Variants in EXOSC5 observed in about 807,000 individuals in gnomAD.
EXOSC5 encodes exosome complex component RRP46.
Under a neutral mutation model 23.7 loss-of-function variants are expected in EXOSC5, and 15 were observed. That is an observed-to-expected ratio of 0.63 (90% confidence interval 0.42 to 0.97). The LOEUF (loss-of-function observed/expected upper bound fraction) is 0.97. EXOSC5 is among the 50% of genes least tolerant of loss of function. The pLI is 0.00. For missense variants in EXOSC5, 305 were observed against 316.3 expected, an observed-to-expected ratio of 0.96 and a Z score of 0.27; for synonymous variants, 143 against 140.9, an observed-to-expected ratio of 1.02 and a Z score of -0.11.
chr19:41,390,197 G>C (rs141858710), intron 3 of EXOSC5, among the ~76,000 whole-genome samples: 2,660 of 152,268 alleles, frequency 0.017, 39 homozygotes, highest in Non-Finnish European at 0.027. Context: ...GCCTCCCAAA[G>C]TGCTGGGATT....
Position 41,387,131 on chromosome 19 carries a change from C to T in EXOSC5, c.615+383G>A, listed in dbSNP as rs116813540. Among the ~76,000 whole-genome samples, 1,189 of 152,232 alleles carry T rather than the reference C, an allele frequency of 7.8e-3. 18 individuals carry two copies. Among genetic ancestry groups the T allele is most frequent in the African/African-American group, 0.027 (1,128 of 41,544 alleles). On this transcript the variant is annotated intron_variant, in intron 5 of 5. Coordinates refer to ENST00000221233, the MANE Select transcript of EXOSC5 (RefSeq NM_020158.4). Reference sequence around the variant, plus strand: ...TCAAGAGACTCCCAGTCTTCACTGCCATGTATTCCTAGATTCATGAGGTCC... The same window carrying T: ...TCAAGAGACTCCCAGTCTTCACTGCTATGTATTCCTAGATTCATGAGGTCC...
chr19:41,395,529 C>T (rs905998525), intron 1 of EXOSC5, among the ~76,000 whole-genome samples: 1 of 152,198 alleles, frequency 6.6e-6, no homozygotes, highest in Non-Finnish European at 1.5e-5. Context: ...CACTCCATTG[C>T]GGCAGCTCAA....
intron 4 of EXOSC5, among the ~76,000 whole-genome samples, chr19:41,388,791 C>T (rs1300861949): frequency 3.3e-5 from 5 of 152,184 alleles, no homozygotes; most frequent in African/African-American, 4.8e-5. Flanking sequence ...AAACTCTCTT[C>T]TCGTTTGCTT....
At position 41,386,681 on chromosome 19, in the gene EXOSC5, G is replaced by GCTT. The variant is rs1422830847; in HGVS notation, c.659_660insAAG (p.Val220_Phe221insSer). On this transcript the variant is annotated inframe_insertion, in exon 6 of 6. Coordinates refer to ENST00000221233, the MANE Select transcript of EXOSC5 (RefSeq NM_020158.4). The stretch of plus-strand genomic sequence containing the variant: ...GCAGCGATTCCCGGTAGAAACGGAA[G>GCTT]ACGTGTTGCGAAGCGGCCTGGGCCG... The GCTT allele has an allele frequency of 7.5e-6, 12 of 1,603,938 alleles. No homozygotes were observed. The highest frequency in any genetic ancestry group is 9.4e-6 in the Non-Finnish European group (11 of 1,175,856).
intron 1 of EXOSC5, among the ~76,000 whole-genome samples, chr19:41,395,231 T>C (rs1367622655): frequency 7.0e-6 from 1 of 143,794 alleles, no homozygotes; most frequent in Non-Finnish European, 1.5e-5. Context: ...CCGTATTTCC[T>C]GGGAAGCCCA....
chr19:41,389,481 T>C (rs1371268853), intron 4 of EXOSC5, among the ~76,000 whole-genome samples: 2 of 152,064 alleles, frequency 1.3e-5, no homozygotes, highest in Non-Finnish European at 2.9e-5. Context: ...GTCAGACTGA[T>C]CTCGAACTCC....
In EXOSC5 at chr19:41,387,583, G is replaced by A; in HGVS notation, c.546C>T (p.Thr182=). The A allele has an allele frequency of 2.5e-6, 4 of 1,604,100 alleles. 1 individual carries two copies. Among genetic ancestry groups the A allele is most frequent in the Non-Finnish European group, 3.4e-6 (4 of 1,175,954 alleles). ...KQEKEARAVL[T]FALDSVERKL... ...TCCGTTCCACGCTGTCCAGGGCAAA[G>A]GTCAGGACTGCCCGGGCCTCCTAGG... Residue 182 remains threonine, a synonymous_variant, in exon 5 of 6, where the codon ACC becomes ACT. Coordinates refer to ENST00000221233, the MANE Select transcript of EXOSC5 (RefSeq NM_020158.4).
rs370558097 is a variant in EXOSC5, at chr19:41,394,910, T to G, written c.149-1930A>C. 2.6e-3 allele frequency among the ~76,000 whole-genome samples: 389 copies of G among 151,986 alleles called. 6 individuals carry two copies. Among genetic ancestry groups the G allele is most frequent in the African/African-American group, 8.9e-3 (368 of 41,466 alleles). Reference sequence around the variant, plus strand: ...TTAGCCGGGCGCGGTGGCACGCACCTGTGGTCCCAGCTACTCAGGAGGCTG... The same window carrying G: ...TTAGCCGGGCGCGGTGGCACGCACCGGTGGTCCCAGCTACTCAGGAGGCTG... On this transcript the variant is annotated intron_variant, in intron 1 of 5. Coordinates refer to ENST00000221233, the MANE Select transcript of EXOSC5 (RefSeq NM_020158.4).
chr19:41,392,070 G>T (rs772036712), intron 2 of EXOSC5, 108 bp from the exon 3 acceptor site: 1 of 1,464,228 alleles, frequency 6.8e-7, no homozygotes, highest in Admixed American at 2.7e-5. Flanking sequence ...AGCCTGGGAT[G>T]GTGCAGTTAC....
intron 5 of EXOSC5, among the ~76,000 whole-genome samples, chr19:41,387,307 C>G (rs1043661543): frequency 2.6e-5 from 4 of 152,138 alleles, no homozygotes; most frequent in Admixed American, 6.6e-5. Flanking sequence ...TGAGCTCATC[C>G]TCTTTTTGCC....
intron 3 of EXOSC5, 37 bp from the exon 4 acceptor site, chr19:41,389,942 T>A (rs1281675801): frequency 6.4e-7 from 1 of 1,562,082 alleles, no homozygotes; most frequent in African/African-American, 1.4e-5. Context: ...TTCTTTTTTT[T>A]TTTTTTGGAG....
At chr19:41,389,604 T>G (rs2039007979) in intron 4 of EXOSC5, among the ~76,000 whole-genome samples, 161 bp downstream of exon 4, 1 of 152,226 alleles carries the variant, frequency 6.6e-6, no homozygotes, top group African/African-American at 2.4e-5. Context: ...GAGCTGGGTT[T>G]CCAGCACTTG....
At chr19:41,389,354 G>A (rs192781781) in intron 4 of EXOSC5, among the ~76,000 whole-genome samples, 15 of 150,532 alleles carry the variant, frequency 1.0e-4, no homozygotes, top group Middle Eastern at 3.5e-3. Context: ...CAACCTCCGC[G>A]TCCTGGGTTC....
At chr19:41,390,861 T>C (rs1239535542) in intron 3 of EXOSC5, among the ~76,000 whole-genome samples, 2 of 152,204 alleles carry the variant, frequency 1.3e-5, no homozygotes, top group Non-Finnish European at 2.9e-5. Context: ...GGGGTCACAA[T>C]ACCTTCTCTC....
chr19:41,394,369 G>A (rs1233231791), intron 1 of EXOSC5, among the ~76,000 whole-genome samples: 4 of 150,996 alleles, frequency 2.6e-5, no homozygotes, highest in Non-Finnish European at 5.9e-5. Context: ...TAACAGCAAG[G>A]CTTAGTCTCA....
chr19:41,395,361 A>T (rs1302699059), intron 1 of EXOSC5, among the ~76,000 whole-genome samples: 1 of 152,172 alleles, frequency 6.6e-6, no homozygotes, highest in Non-Finnish European at 1.5e-5. Context: ...TTGCCCGAGC[A>T]CAAGAGTCTC....
At chr19:41,387,375 G>A in intron 5 of EXOSC5, 139 bp downstream of exon 5, 1 of 691,384 alleles carries the variant, frequency 1.4e-6, no homozygotes, top group South Asian at 2.6e-5. Context: ...GGTCCACAAA[G>A]TTTGAAAACT....
At chr19:41,386,812 C>T (rs984804073) in intron 5 of EXOSC5, 87 bp from the exon 6 acceptor site, 2 of 1,207,092 alleles carry the variant, frequency 1.7e-6, no homozygotes, top group Non-Finnish European at 2.3e-6. Flanking sequence ...GCTGACCCCA[C>T]CTGACTCCCT....
chr19:41,396,904 G>A (rs536395705), intron 1 of EXOSC5, among the ~76,000 whole-genome samples: 83 of 152,100 alleles, frequency 5.5e-4, no homozygotes, highest in African/African-American at 1.8e-3. Context: ...CCCTGGCGAG[G>A]TGATTTTCCC....
Sources: gnomAD v4.1 joint callset for allele counts (sites outside exome capture counted in the v4.1 genomes callset) on GRCh38, gnomAD v4.1.1 for gene constraint, MANE v1.5 for transcripts, NCBI Gene and HGNC (gene_info 2026-07-23, HGNC 2026-07-21) for gene names.